Variants in ZC3HAV1 observed in about 807,000 individuals in gnomAD.
The protein encoded by ZC3HAV1 is zinc finger CCCH-type antiviral protein 1.
Under a neutral mutation model 86.6 loss-of-function variants are expected in ZC3HAV1, and 41 were observed. That is an observed-to-expected ratio of 0.47 (90% CI 0.37 to 0.61). The LOEUF (loss-of-function observed/expected upper bound fraction) is 0.61, where lower values mean the gene tolerates loss of function less well. Ranked by LOEUF, ZC3HAV1 falls within the 20% of genes least tolerant of loss-of-function variation. The pLI is 0.00. For synonymous variants in ZC3HAV1, 421 were observed against 432.1 expected (o/e 0.97, Z 0.32); for missense variants, 964 against 1,141.1 (o/e 0.84, Z 2.24).
At position 139,051,310 on chromosome 7, in the gene ZC3HAV1, G is replaced by A. The variant is rs188638673; in HGVS notation, c.2449+2141C>T. ...TGACCTCAAGTGATCTGCCTGTCTC[G>A]GTCTCCCAAAGTGCTGGGATTACAG... On this transcript the variant is annotated intron_variant, in intron 12 of 12. Coordinates refer to ENST00000242351, the MANE Select transcript of ZC3HAV1 (RefSeq NM_020119.4). Among the ~76,000 whole-genome samples the A allele has an allele frequency of 1.7e-3, 265 of 152,018 alleles. 1 individual carries two copies. Among genetic ancestry groups the A allele is most frequent in the African/African-American group, 6.0e-3 (247 of 41,472 alleles).
At chr7:139,071,623 T>A (rs1816775770) in intron 7 of ZC3HAV1, among the ~76,000 whole-genome samples, 1 of 152,140 alleles carries the variant, frequency 6.6e-6, no homozygotes. Flanking sequence ...ATACAAAGAA[T>A]CTGTGCAAAG....
At chr7:139,082,423 C>T (rs1177919769) in intron 3 of ZC3HAV1, among the ~76,000 whole-genome samples, 1 of 151,608 alleles carries the variant, frequency 6.6e-6, no homozygotes, top group Non-Finnish European at 1.5e-5. Context: ...ACAGCTGCTA[C>T]AAAAAATGGT....
At position 139,078,117 on chromosome 7, in the gene ZC3HAV1, T is replaced by C. The variant is rs375714585; in HGVS notation, c.1573+435A>G. On this transcript the variant is annotated intron_variant, in intron 5 of 12. Coordinates refer to ENST00000242351, the MANE Select transcript of ZC3HAV1 (RefSeq NM_020119.4). ...AGCCGGACGGGGTGGCACACGCCTGTAACCCCAGCTACCTGGGAGGCTGAG... is the reference window on the plus strand; with the variant it reads ...AGCCGGACGGGGTGGCACACGCCTGCAACCCCAGCTACCTGGGAGGCTGAG... Among the ~76,000 whole-genome samples, 10 of 152,336 alleles carry C rather than the reference T, an allele frequency of 6.6e-5. 1 individual carries two copies. In the East Asian group the frequency reaches 7.7e-4, roughly 12 times the overall value.
Position 139,064,444 on chromosome 7 carries a change from T to C in ZC3HAV1, c.1993+435A>G, listed in dbSNP as rs1180770672. ...CAATGTGATGATGGAACTACTGACC[T>C]AGATGATAAACCCTAAAAGAAACAG... is the stretch of plus-strand genomic sequence containing the variant. On this transcript the variant is annotated intron_variant, in intron 8 of 12. Transcript: ENST00000242351. Among the ~76,000 whole-genome samples the C allele has an allele frequency of 2.0e-5, 3 of 152,330 alleles. No homozygotes were observed. In the East Asian group the frequency reaches 5.8e-4, roughly 29 times the overall value.
chr7:139,107,479 A>G (rs565912396), intron 1 of ZC3HAV1, among the ~76,000 whole-genome samples: 3 of 152,306 alleles, frequency 2.0e-5, no homozygotes, highest in Admixed American at 1.3e-4. Flanking sequence ...GGGGTGAGTG[A>G]CTGGAGTTTT....
intron 8 of ZC3HAV1, among the ~76,000 whole-genome samples, 190 bp from the exon 9 acceptor site, chr7:139,061,328 A>G (rs528314343): frequency 1.3e-5 from 2 of 152,382 alleles, no homozygotes; most frequent in African/African-American, 4.8e-5. Context: ...TGCCATTAGT[A>G]GAAGGCTCAA....
At position 139,045,901 on chromosome 7, in the gene ZC3HAV1, ATTTTTTTTTTTTTTT is replaced by A. The variant is rs61634792; in HGVS notation, c.*1678_*1692del. 1 of 98,908 alleles carries A rather than the reference ATTTTTTTTTTTTTTT, an allele frequency of 1.0e-5. No homozygotes were observed. The highest frequency in any genetic ancestry group is 4.0e-5 in the African/African-American group (1 of 24,758). 6.1% of individuals were successfully genotyped at this position (98,908 alleles called of 1,614,324 possible). A position where few individuals can be genotyped will look rare whatever the true frequency, so the allele number is the denominator to read the frequency against. On this transcript the variant is annotated 3_prime_UTR_variant, in exon 13 of 13. Transcript: ENST00000242351. The stretch of plus-strand genomic sequence containing the variant: ...AAAATAACTCTACTCTAAAAAAACT[ATTTTTTTTTTTTTTT>A]TTTTTTTTTTTTTTTACCGGTGGAG...
At chr7:139,052,841 A>T (rs1410766137) in intron 12 of ZC3HAV1, among the ~76,000 whole-genome samples, 3 of 151,856 alleles carry the variant, frequency 2.0e-5, no homozygotes, top group Non-Finnish European at 4.4e-5. Context: ...AAGTTGTAGG[A>T]TCACTTGAGC....
At chr7:139,067,252 G>A (rs777372183) in intron 7 of ZC3HAV1, among the ~76,000 whole-genome samples, 9 of 151,912 alleles carry the variant, frequency 5.9e-5, no homozygotes, top group East Asian at 1.9e-4. Context: ...GGGTTCAAGC[G>A]AATTCTCCCG....
intron 1 of ZC3HAV1, among the ~76,000 whole-genome samples, chr7:139,100,043 AAT>A (rs1219230829): frequency 4.6e-5 from 7 of 152,086 alleles, no homozygotes; most frequent in African/African-American, 1.2e-4. Context: ...AATAAATAAA[AAT>A]AGTTTTAGCC....
intron 7 of ZC3HAV1, 29 bp from the exon 8 acceptor site, chr7:139,065,028 T>C (rs759606326): frequency 1.2e-6 from 2 of 1,613,528 alleles, no homozygotes; most frequent in South Asian, 1.1e-5. Flanking sequence ...AAAGGTAAAG[T>C]CAGGGTAGGC....
intron 7 of ZC3HAV1, among the ~76,000 whole-genome samples, chr7:139,073,121 C>T (rs1245988202): frequency 1.3e-5 from 2 of 151,988 alleles, no homozygotes; most frequent in Non-Finnish European, 2.9e-5. Context: ...CATGTTGAAA[C>T]CCCATGTCTA....
intron 8 of ZC3HAV1, 40 bp downstream of exon 8, chr7:139,064,837 GGA>G (rs773469481): frequency 6.2e-6 from 10 of 1,613,588 alleles, no homozygotes; most frequent in Non-Finnish European, 6.8e-6. Context: ...CACTGCAGGC[GGA>G]TTTCAATGAC....
rs542584178 is a variant in ZC3HAV1 at position 139,072,476 on chromosome 7, C to T, written c.1872+1380G>A. On this transcript the variant is annotated intron_variant, in intron 7 of 12. Transcript: ENST00000242351. The stretch of plus-strand genomic sequence containing the variant: ...TGCTGGGATTACAGGAGTGAGCCAC[C>T]GCACCCAGCCCATGCATTATTTTTG... Among the ~76,000 whole-genome samples the T allele has an allele frequency of 5.3e-5, 8 of 152,092 alleles. 1 individual carries two copies. The South Asian group carries it at 1.0e-3, about 20-fold the overall frequency.
chr7:139,047,507 TAA>T lies in ZC3HAV1; in HGVS notation c.*85_*86del. ...CATTAGATAACTGAGCAGGAAAATATAAAACTTTAACTCCTGTCTGCGGCAAT... is the reference window on the plus strand; with the variant it reads ...CATTAGATAACTGAGCAGGAAAATATAACTTTAACTCCTGTCTGCGGCAAT... On this transcript the variant is annotated 3_prime_UTR_variant, in exon 13 of 13. Coordinates refer to ENST00000242351, the MANE Select transcript of ZC3HAV1 (RefSeq NM_020119.4). The T allele has an allele frequency of 6.4e-7, 1 of 1,567,190 alleles. No individual in the cohort carries two copies. The highest frequency in any genetic ancestry group is 8.6e-7 in the Non-Finnish European group (1 of 1,156,116).
intron 9 of ZC3HAV1, among the ~76,000 whole-genome samples, chr7:139,058,802 T>A (rs1489122848): frequency 6.6e-6 from 1 of 152,158 alleles, no homozygotes; most frequent in African/African-American, 2.4e-5. Context: ...CGACAATGGC[T>A]GACTACAGGA....
At chr7:139,071,370 G>A (rs569244256) in intron 7 of ZC3HAV1, among the ~76,000 whole-genome samples, 55 of 152,166 alleles carry the variant, frequency 3.6e-4, no homozygotes, top group African/African-American at 1.3e-3. Context: ...CCAAAGTGCT[G>A]GGATTACTGA....
At position 139,044,658 on chromosome 7, in the gene ZC3HAV1, T is replaced by C. The variant is rs1815908407; in HGVS notation, c.*2936A>G. ...CGTGGGGGTGGGGGCGCTACTAGCA[T>C]TTAGTATGTGAGAGCCAAGTATGCA... is the stretch of plus-strand genomic sequence containing the variant. On this transcript the variant is annotated 3_prime_UTR_variant, in exon 13 of 13. Transcript: ENST00000242351. 1 of 152,576 alleles carries C rather than the reference T, an allele frequency of 6.6e-6. No homozygotes were observed. The highest frequency in any genetic ancestry group is 1.5e-5 in the Non-Finnish European group (1 of 68,026). The allele number at this position is 152,576 out of a possible 1,614,324, so 9.5% of individuals were successfully genotyped here.
intron 1 of ZC3HAV1, among the ~76,000 whole-genome samples, chr7:139,097,417 TA>T (rs1421106191): frequency 2.6e-4 from 21 of 81,280 alleles, no homozygotes; most frequent in Middle Eastern, 4.9e-3. Flanking sequence ...TATATATATA[TA>T]TATATATATA....
Sources: allele counts gnomAD v4.1 joint callset (sites outside exome capture counted in the v4.1 genomes callset), GRCh38; gene constraint gnomAD v4.1.1; transcripts MANE v1.5; gene names NCBI Gene and HGNC (gene_info 2026-07-23, HGNC 2026-07-21).